The following PTER variants were observed in gnomAD, a reference collection of about 807,000 sequenced individuals.
PTER encodes the protein phosphotriesterase related.
PTER carries 38 observed loss-of-function variants against 29.6 expected under a neutral mutation model. The ratio of observed to expected loss-of-function variants is 1.28; its 90% CI spans 0.99 to 1.68. PTER has a LOEUF of 1.68. Among genes scored for constraint, PTER ranks in the 40% most tolerant of loss-of-function variants. The pLI is 0.00. For synonymous variants in PTER, 172 were observed against 154.5 expected (o/e 1.11, Z -0.84); for missense variants, 482 against 427.8 (o/e 1.13, Z -1.12).
intron 3 of PTER, among the ~76,000 whole-genome samples, chr10:16,491,800 A>G (rs1835908294): frequency 6.6e-6 from 1 of 152,180 alleles, no homozygotes; most frequent in South Asian, 2.1e-4. Flanking sequence ...TGATCAGTTT[A>G]TTTTTCCCCT....
downstream of PTER, among the ~76,000 whole-genome samples, chr10:16,517,987 G>T (rs1836980211): frequency 6.6e-6 from 1 of 152,106 alleles, no homozygotes; most frequent in Non-Finnish European, 1.5e-5. Context: ...CTCTCTCTTA[G>T]AGGGAACTGC....
At position 16,441,135 on chromosome 10, in the gene PTER, A is replaced by T. The variant is rs118122092; in HGVS notation, c.-49+4088A>T. ...GGCAGACCATGTTAAAGTGTAAAAT[A>T]GGTAAAGGCTGTATGCCTGGAAGGG... On this transcript the variant is annotated intron_variant, in intron 1 of 4. Transcript: ENST00000535784. Among the ~76,000 whole-genome samples, 751 of 152,376 alleles carry T rather than the reference A, an allele frequency of 4.9e-3. 5 individuals are homozygous for T. The highest frequency in any genetic ancestry group is 0.01 in the Middle Eastern group (3 of 294).
rs534052060 is a variant in PTER at position 16,440,980 on chromosome 10, C to CT, written c.-49+3934dup. On this transcript the variant is annotated intron_variant, in intron 1 of 4. Transcript: ENST00000535784. The stretch of plus-strand genomic sequence containing the variant: ...GGGAGGGCCCTGAAAGAGGCTTGTC[C>CT]TATGAATCATGCTCCTTTTACTGTG... 5.9e-5 allele frequency among the ~76,000 whole-genome samples: 9 copies of CT among 152,296 alleles called. No homozygotes were observed. The South Asian group carries it at 1.9e-3, about 32-fold the overall frequency.
At chr10:16,515,631 C>T (rs780953960), downstream of PTER, among the ~76,000 whole-genome samples, 19 of 152,172 alleles carry the variant, frequency 1.2e-4, no homozygotes, top group African/African-American at 9.7e-5. Context: ...CATTTACAAA[C>T]AGTCAAATTG....
intron 4 of PTER, among the ~76,000 whole-genome samples, chr10:16,507,197 G>A (rs1183088004): frequency 2.0e-5 from 2 of 99,430 alleles, no homozygotes; most frequent in African/African-American, 8.8e-5. Flanking sequence ...TGAAGTGGGT[G>A]GAGCATATAT....
chr10:16,449,750 A>G (rs1834139801), intron 1 of PTER, among the ~76,000 whole-genome samples: 1 of 152,162 alleles, frequency 6.6e-6, no homozygotes, highest in South Asian at 2.1e-4. Context: ...TTCACAAGGT[A>G]TTGGTGAAGG....
intron 1 of PTER, among the ~76,000 whole-genome samples, chr10:16,466,657 G>A (rs1232996843): frequency 6.6e-6 from 1 of 152,118 alleles, no homozygotes. Flanking sequence ...CACCTGGCCT[G>A]ATTCTTTTCA....
chr10:16,441,608 G>T (rs1337792836), intron 1 of PTER, among the ~76,000 whole-genome samples: 1 of 152,150 alleles, frequency 6.6e-6, no homozygotes, highest in Non-Finnish European at 1.5e-5. Context: ...CTCCCTAGAG[G>T]TTAACAATCA....
chr10:16,459,840 C>T (rs935598655), intron 1 of PTER, among the ~76,000 whole-genome samples: 4 of 152,124 alleles, frequency 2.6e-5, no homozygotes, highest in Non-Finnish European at 2.9e-5. Flanking sequence ...CTCCGCCTCC[C>T]GGGTTCAACC....
downstream of PTER, chr10:16,514,051 C>G: frequency 2.9e-6 from 1 of 346,024 alleles, no homozygotes; most frequent in East Asian, 4.3e-5. Flanking sequence ...TGGGGACAAG[C>G]AGCATTATTT....
intron 4 of PTER, among the ~76,000 whole-genome samples, chr10:16,509,063 C>G (rs780797352): frequency 3.3e-5 from 5 of 152,208 alleles, no homozygotes; most frequent in Non-Finnish European, 5.9e-5. Context: ...TGTAGTCTCT[C>G]TCTAATATTT....
chr10:16,499,841 T>C (rs976874534), intron 3 of PTER, among the ~76,000 whole-genome samples: 1 of 152,136 alleles, frequency 6.6e-6, no homozygotes, highest in Admixed American at 6.6e-5. Flanking sequence ...AAACTGCATA[T>C]ATATGTATGT....
At chr10:16,458,737 C>A (rs1276148233) in intron 1 of PTER, among the ~76,000 whole-genome samples, 1 of 152,154 alleles carries the variant, frequency 6.6e-6, no homozygotes, top group Non-Finnish European at 1.5e-5. Context: ...AAAGCTGTCA[C>A]TGAAGCTGCT....
intron 4 of PTER, among the ~76,000 whole-genome samples, chr10:16,509,647 T>C (rs1836733356): frequency 6.6e-6 from 1 of 152,202 alleles, no homozygotes; most frequent in Admixed American, 6.5e-5. Context: ...GTCAAATCTT[T>C]GTCTTTTTAT....
intron 1 of PTER, among the ~76,000 whole-genome samples, chr10:16,454,976 C>A (rs1834343420): frequency 2.0e-5 from 3 of 152,106 alleles, no homozygotes; most frequent in African/African-American, 7.2e-5. Context: ...TGCCTGTGAT[C>A]CCAGCACTTT....
At chr10:16,471,829 T>A (rs1360893095) in intron 1 of PTER, among the ~76,000 whole-genome samples, 1 of 152,240 alleles carries the variant, frequency 6.6e-6, no homozygotes, top group African/African-American at 2.4e-5. Context: ...AATGGACTCT[T>A]TGAGTATAAA....
intron 1 of PTER, among the ~76,000 whole-genome samples, chr10:16,453,380 A>G (rs1324147130): frequency 6.6e-6 from 1 of 152,188 alleles, no homozygotes; most frequent in African/African-American, 2.4e-5. Flanking sequence ...ACATATATAT[A>G]ATACATATAT....
intron 4 of PTER, among the ~76,000 whole-genome samples, chr10:16,508,064 C>A (rs1022427505): frequency 7.8e-6 from 1 of 128,150 alleles, no homozygotes; most frequent in African/African-American, 3.4e-5. Context: ...TTCTTTTTTT[C>A]TTTTTCTTTT....
At chr10:16,499,283 C>T (rs1196556702) in intron 3 of PTER, among the ~76,000 whole-genome samples, 1 of 152,086 alleles carries the variant, frequency 6.6e-6, no homozygotes, top group African/African-American at 2.4e-5. Flanking sequence ...TCTCATACCA[C>T]ATACTACTTA....
Sources: gnomAD v4.1 joint callset for allele counts (sites outside exome capture counted in the v4.1 genomes callset) on GRCh38, gnomAD v4.1.1 for gene constraint, MANE v1.5 for transcripts, NCBI Gene and HGNC (gene_info 2026-07-23, HGNC 2026-07-21) for gene names.